Variants in KYAT3 observed in about 807,000 individuals in gnomAD.
The protein encoded by KYAT3 is kynurenine aminotransferase 3.
Under a neutral mutation model 59.0 loss-of-function variants are expected in KYAT3, and 50 were observed. That is an observed-to-expected ratio of 0.85 (90% CI 0.68 to 1.07). KYAT3 has a LOEUF of 1.07. Ranked by LOEUF, KYAT3 falls within the 50% of genes least tolerant of loss-of-function variation. The probability of loss-of-function intolerance (pLI) is 0.00; values close to 1 mark genes in which losing one functional copy is unlikely to be tolerated. For missense variants in KYAT3, 497 were observed against 533.3 expected (o/e 0.93, Z 0.67); for synonymous variants, 148 against 177.0 (o/e 0.84, Z 1.30).
At chr1:88,943,124 A>G (rs1675304272) in intron 12 of KYAT3, 33 bp from the exon 13 acceptor site, 1 of 1,446,888 alleles carries the variant, frequency 6.9e-7, no homozygotes, top group Non-Finnish European at 9.7e-7. Flanking sequence ...TAATAAGAAA[A>G]CTACTTACAC....
At chr1:88,945,499 A>G (rs1164920567) in intron 11 of KYAT3, among the ~76,000 whole-genome samples, 1 of 152,244 alleles carries the variant, frequency 6.6e-6, no homozygotes, top group South Asian at 2.1e-4. Context: ...GATTAACTTC[A>G]GTAAATTACT....
At position 88,984,204 on chromosome 1, in the gene KYAT3, C is replaced by CTTTTTTTTTTTTT. The variant is rs908183722; in HGVS notation, c.99+4035_99+4047dup. On this transcript the variant is annotated intron_variant, in intron 2 of 13. Coordinates refer to ENST00000260508, the MANE Select transcript of KYAT3 (RefSeq NM_001008661.3). Reference sequence around the variant, plus strand: ...ATTAACAGGAGCCCTTTTTTTGTTGCTTTTTTTTTTTTTTTTTTTTTTTTT... The same window carrying CTTTTTTTTTTTTT: ...ATTAACAGGAGCCCTTTTTTTGTTGCTTTTTTTTTTTTTTTTTTTTTTTTTTTTTTTTTTTTTT... The CTTTTTTTTTTTTT allele has an allele frequency of 9.3e-4, 76 of 81,476 alleles. 8 individuals are homozygous for CTTTTTTTTTTTTT. The highest frequency in any genetic ancestry group is 1.8e-3 in the Non-Finnish European group (67 of 38,168). 5.0% of individuals were successfully genotyped at this position (81,476 alleles called of 1,614,324 possible). A position where few individuals can be genotyped will look rare whatever the true frequency, so the allele number is the denominator to read the frequency against.
At chr1:88,972,161 G>A (rs767129796) in intron 2 of KYAT3, among the ~76,000 whole-genome samples, 3 of 152,210 alleles carry the variant, frequency 2.0e-5, no homozygotes, top group Admixed American at 2.0e-4. Flanking sequence ...AGGGAAGAAC[G>A]GATGCTGCAA....
At chr1:88,943,293 C>A in intron 12 of KYAT3, 57 bp downstream of exon 12, 1 of 1,135,444 alleles carries the variant, frequency 8.8e-7, no homozygotes, top group Middle Eastern at 2.3e-4. Context: ...CAGCAGATTT[C>A]CTTCAAAAAT....
chr1:88,977,668 A>G (rs1184841278), intron 2 of KYAT3, among the ~76,000 whole-genome samples: 2 of 152,234 alleles, frequency 1.3e-5, no homozygotes, highest in Non-Finnish European at 2.9e-5. Context: ...TTAGTATAGC[A>G]TAAGTATACA....
chr1:88,935,930 T>G lies in KYAT3; in HGVS notation c.*253A>C, dbSNP rs14490. ...TTACTGAGAGGTTAAACATCTCACATTTCTTATCCACTATGTTATGCTGAC... is the reference window on the plus strand; with the variant it reads ...TTACTGAGAGGTTAAACATCTCACAGTTCTTATCCACTATGTTATGCTGAC... On this transcript the variant is annotated 3_prime_UTR_variant, in exon 14 of 14. Transcript: ENST00000260508. 0.15 allele frequency: 62,764 copies of G among 427,048 alleles called. 6,115 individuals are homozygous for G. Among genetic ancestry groups the G allele is most frequent in the African/African-American group, 0.37 (18,514 of 50,400 alleles). The allele number at this position is 427,048 out of a possible 1,614,324, so 26.5% of individuals were successfully genotyped here.
intron 11 of KYAT3, among the ~76,000 whole-genome samples, chr1:88,948,091 C>CAAACAAAACAAAACA (rs58858903): frequency 0.058 from 8,484 of 146,076 alleles, 325 homozygotes; most frequent in Middle Eastern, 0.099. Flanking sequence ...GACCCTGCCT[C>CAAACAAAACAAAACA]AAACAAAACA....
chr1:88,984,063 G>T, intron 2 of KYAT3: 1 of 443,888 alleles, frequency 2.3e-6, no homozygotes, highest in Non-Finnish European at 4.4e-6. Flanking sequence ...ACAACAGAAT[G>T]TTCCTGTAAT....
chr1:88,931,105 T>C (rs915586669), downstream of KYAT3, among the ~76,000 whole-genome samples: 6 of 151,968 alleles, frequency 3.9e-5, no homozygotes, highest in African/African-American at 1.4e-4. Context: ...AGCTAACCAA[T>C]GGAAATTACT....
chr1:88,986,588 C>T (rs187662960), intron 2 of KYAT3, among the ~76,000 whole-genome samples: 36 of 152,054 alleles, frequency 2.4e-4, no homozygotes, highest in Admixed American at 6.5e-4. Flanking sequence ...CACTGCGCCC[C>T]GCCTACATTT....
chr1:88,944,557 T>C (rs538046014), intron 11 of KYAT3, among the ~76,000 whole-genome samples: 2 of 152,334 alleles, frequency 1.3e-5, no homozygotes, highest in African/African-American at 4.8e-5. Flanking sequence ...TTCTGAGAGG[T>C]AATGATAATC....
chr1:88,952,410 A>G (rs1675713911), intron 10 of KYAT3, among the ~76,000 whole-genome samples: 1 of 152,072 alleles, frequency 6.6e-6, no homozygotes, highest in South Asian at 2.1e-4. Flanking sequence ...AGGTGATTGG[A>G]TCATGGGAGT....
At chr1:88,935,431 G>A (rs1674999627), downstream of KYAT3, among the ~76,000 whole-genome samples, 1 of 152,022 alleles carries the variant, frequency 6.6e-6, no homozygotes, top group Non-Finnish European at 1.5e-5. Flanking sequence ...TGGAAGAATA[G>A]GTCATTATAG....
At chr1:88,977,114 A>T (rs950855232) in intron 2 of KYAT3, among the ~76,000 whole-genome samples, 1 of 152,226 alleles carries the variant, frequency 6.6e-6, no homozygotes, top group Non-Finnish European at 1.5e-5. Context: ...TCCCGGGTTC[A>T]AGCGATTCTC....
intron 8 of KYAT3, among the ~76,000 whole-genome samples, chr1:88,959,832 A>T (rs987042051): frequency 1.3e-5 from 2 of 151,564 alleles, no homozygotes; most frequent in Non-Finnish European, 2.9e-5. Flanking sequence ...GTAATATACT[A>T]TAGGAATAAT....
At chr1:88,953,362 T>A (rs1010246595) in intron 9 of KYAT3, among the ~76,000 whole-genome samples, 2 of 151,850 alleles carry the variant, frequency 1.3e-5, no homozygotes, top group Non-Finnish European at 2.9e-5. Context: ...CTGGTCAACA[T>A]GGTGAAATGC....
intron 2 of KYAT3, chr1:88,983,531 G>A (rs747743165): frequency 6.2e-7 from 1 of 1,614,122 alleles, no homozygotes; most frequent in East Asian, 2.2e-5. Flanking sequence ...ACTTCTTGGA[G>A]GTGGGGGCGG....
chr1:88,932,592 C>T (rs1009183404), downstream of KYAT3, among the ~76,000 whole-genome samples: 2 of 152,114 alleles, frequency 1.3e-5, no homozygotes, highest in African/African-American at 4.8e-5. Context: ...CTCCTGGGTT[C>T]AAGCAATCCT....
At position 88,943,367 on chromosome 1, in the gene KYAT3, A is replaced by G. The variant is rs748530697; in HGVS notation, c.1198T>C (p.Trp400Arg). The change falls in exon 12 of 14, where the codon TGG (tryptophan) becomes CGG (arginine). Residue 400 changes from tryptophan (W) to arginine (R), a missense_variant. Coordinates refer to ENST00000260508, the MANE Select transcript of KYAT3 (RefSeq NM_001008661.3). ...NEPYDYKFVK[W>R]MTKHKKLSAI... ...AACATTACCTTATGTTTAGTCATCC[A>G]TTTCACAAACTTATAGTCATAAGGC... 2.5e-6 allele frequency: 4 copies of G among 1,569,020 alleles called. No homozygotes were observed. The South Asian group carries it at 4.6e-5, about 18-fold the overall frequency.
Sources: gnomAD v4.1 joint callset for allele counts (sites outside exome capture counted in the v4.1 genomes callset) on GRCh38, gnomAD v4.1.1 for gene constraint, MANE v1.5 for transcripts, NCBI Gene and HGNC (gene_info 2026-07-23, HGNC 2026-07-21) for gene names.